PLCB1: variants seen among roughly 807,000 people sequenced by gnomAD.
PLCB1 encodes 1-phosphatidylinositol 4,5-bisphosphate phosphodiesterase beta-1.
Under a neutral mutation model 161.8 loss-of-function variants are expected in PLCB1, and 46 were observed. That is an observed-to-expected ratio of 0.28 (90% CI 0.22 to 0.36). The LOEUF is 0.36. Ranked by LOEUF, PLCB1 falls within the 10% of genes least tolerant of loss-of-function variation. The pLI is 1.00. For missense variants in PLCB1, 1,016 were observed against 1,472.5 expected (o/e 0.69, Z 5.07); for synonymous variants, 517 against 503.7 (o/e 1.03, Z -0.35).
intron 31 of PLCB1, among the ~76,000 whole-genome samples, chr20:8,870,007 C>T (rs1450846303): frequency 6.6e-6 from 1 of 152,188 alleles, no homozygotes; most frequent in African/African-American, 2.4e-5. Context: ...TTTTTTAAGC[C>T]TCTGCATAGG....
At chr20:8,796,433 A>C (rs542978048) in intron 31 of PLCB1, among the ~76,000 whole-genome samples, 1 of 152,324 alleles carries the variant, frequency 6.6e-6, no homozygotes, top group South Asian at 2.1e-4. Flanking sequence ...TTTTTAAAGT[A>C]ATGCATTTGT....
At chr20:8,331,910 G>A (rs6039140) in intron 2 of PLCB1, among the ~76,000 whole-genome samples, 51,830 of 152,036 alleles carry the variant, frequency 0.34, 9,451 homozygotes, top group South Asian at 0.49. Context: ...GCATAGGTAA[G>A]ACAATTGGAT....
chr20:8,701,859 T>C (rs1489058847), intron 11 of PLCB1, among the ~76,000 whole-genome samples: 3 of 152,228 alleles, frequency 2.0e-5, no homozygotes, highest in Admixed American at 6.5e-5. Flanking sequence ...ACACATAATA[T>C]GTTGGTAGAG....
intron 9 of PLCB1, among the ~76,000 whole-genome samples, chr20:8,672,588 A>G (rs940880275): frequency 6.6e-6 from 1 of 152,102 alleles, no homozygotes; most frequent in African/African-American, 2.4e-5. Context: ...CCAGATATGC[A>G]TACCGAGCAG....
At chr20:8,527,965 C>G (rs1343868697) in intron 3 of PLCB1, among the ~76,000 whole-genome samples, 2 of 151,776 alleles carry the variant, frequency 1.3e-5, no homozygotes, top group African/African-American at 4.8e-5. Flanking sequence ...TGGAGGTGTT[C>G]AATGCAGCAT....
At chr20:8,317,263 A>G (rs1394019273) in intron 2 of PLCB1, among the ~76,000 whole-genome samples, 2 of 152,202 alleles carry the variant, frequency 1.3e-5, no homozygotes, top group African/African-American at 2.4e-5. Context: ...TTGAGGGTAC[A>G]TCAGATTCCC....
At chr20:8,581,119 C>T (rs752579331) in intron 3 of PLCB1, among the ~76,000 whole-genome samples, 56 of 152,240 alleles carry the variant, frequency 3.7e-4, no homozygotes, top group Non-Finnish European at 6.8e-4. Flanking sequence ...AACAACCTGC[C>T]TGCTTAAAAG....
intron 3 of PLCB1, among the ~76,000 whole-genome samples, chr20:8,441,858 C>T (rs995176413): frequency 1.3e-5 from 2 of 152,080 alleles, no homozygotes; most frequent in Non-Finnish European, 2.9e-5. Flanking sequence ...ATTAGCTAAG[C>T]AGCAATAAAG....
In PLCB1 at chr20:8,296,968, CTA is replaced by C. The variant is rs1369773338; in HGVS notation, c.178-74412_178-74411del. 5.9e-5 allele frequency among the ~76,000 whole-genome samples: 9 copies of C among 152,166 alleles called. No individual in the cohort carries two copies. In the East Asian group the frequency reaches 9.7e-4, roughly 16 times the overall value. On this transcript the variant is annotated intron_variant, in intron 2 of 31. Transcript: ENST00000338037. ...ATTTTCTACTCAGTCGCAGCCTTTT[CTA>C]TCTCAGTATATCATCATTTATCTTG...
At chr20:8,656,337 G>A in intron 7 of PLCB1, among the ~76,000 whole-genome samples, 1 of 151,976 alleles carries the variant, frequency 6.6e-6, no homozygotes, top group South Asian at 2.1e-4. Context: ...ATAATTTTTA[G>A]ACATTTGTAT....
At chr20:8,627,609 T>C (rs1443031212) in intron 3 of PLCB1, among the ~76,000 whole-genome samples, 4 of 152,222 alleles carry the variant, frequency 2.6e-5, no homozygotes, top group Non-Finnish European at 4.4e-5. Context: ...AGGTTTCACT[T>C]TGAGCTTTGA....
chr20:8,264,950 TAGGGGGTC>T (rs981519259), intron 2 of PLCB1, among the ~76,000 whole-genome samples: 1 of 152,168 alleles, frequency 6.6e-6, no homozygotes, highest in Non-Finnish European at 1.5e-5. Context: ...AGATGCATTT[TAGGGGGTC>T]AGGGAGATAA....
chr20:8,246,241 T>C (rs1177287589), intron 2 of PLCB1, among the ~76,000 whole-genome samples: 1 of 151,952 alleles, frequency 6.6e-6, no homozygotes. Context: ...TATGTGATCA[T>C]CTGGTAAGGG....
At chr20:8,367,812 GTCATGCATTGGGTT>G (rs1986763912) in intron 2 of PLCB1, among the ~76,000 whole-genome samples, 1 of 152,308 alleles carries the variant, frequency 6.6e-6, no homozygotes, top group East Asian at 1.9e-4. Flanking sequence ...CACTTTTGTG[GTCATGCATTGGGTT>G]CCTCATTTTC....
chr20:8,767,019 G>C (rs1243945067), intron 26 of PLCB1, among the ~76,000 whole-genome samples: 6 of 152,164 alleles, frequency 3.9e-5, no homozygotes, highest in African/African-American at 9.7e-5. Context: ...TATGGGGTCA[G>C]AGGCCTGGAA....
chr20:8,179,902 A>G (rs1446207898), intron 2 of PLCB1, among the ~76,000 whole-genome samples: 5 of 106,978 alleles, frequency 4.7e-5, no homozygotes, highest in African/African-American at 1.5e-4. Flanking sequence ...TCTGTCGCCC[A>G]GGCTGGAGTG....
chr20:8,604,270 A>T, intron 3 of PLCB1, among the ~76,000 whole-genome samples: 1 of 150,712 alleles, frequency 6.6e-6, no homozygotes, highest in East Asian at 1.9e-4. Context: ...AAAAAAAAAA[A>T]AAAAAAAAGG....
chr20:8,733,887 C>T (rs1359054392), intron 19 of PLCB1, among the ~76,000 whole-genome samples: 2 of 148,822 alleles, frequency 1.3e-5, no homozygotes, highest in African/African-American at 4.9e-5. Context: ...TTTGGGAGGC[C>T]GAGGCAGGTG....
chr20:8,737,192 G>C lies in PLCB1; in HGVS notation c.2208G>C (p.Lys736Asn). 1 of 1,612,818 alleles carries C rather than the reference G, an allele frequency of 6.2e-7. No homozygotes were observed. Among genetic ancestry groups the C allele is most frequent in the Non-Finnish European group, 8.5e-7 (1 of 1,179,284 alleles). ...AAGAAGAACCTATTGTGTTCAAAAA[G>C]GTTGGTCACATGTTCTTGATATGAG... is the stretch of plus-strand genomic sequence containing the variant. Reference protein sequence around the residue: ...VWEEEPIVFKKVVLPTLACLR... With the variant: ...VWEEEPIVFKNVVLPTLACLR... The change falls in exon 20 of 32, where the codon AAG becomes AAC. Residue 736 changes from lysine to asparagine, a missense_variant and splice_region_variant. Around this residue, in one of 10 missense-constraint regions of PLCB1, gnomAD observed 75 missense variants for 117.0 expected, o/e 0.64. Transcript: ENST00000338037.
Sources: gnomAD v4.1 joint callset for allele counts (sites outside exome capture counted in the v4.1 genomes callset) on GRCh38, gnomAD v4.1.1 for gene constraint, gnomAD v4.1.1 regional missense constraint, MANE v1.5 for transcripts, NCBI Gene and HGNC (gene_info 2026-07-23, HGNC 2026-07-21) for gene names.